Variants in SLTM observed in about 807,000 individuals in gnomAD.
SLTM encodes the protein SAFB-like transcription modulator.
SLTM carries 43 observed loss-of-function variants against 134.6 expected under a neutral mutation model. The observed-to-expected ratio is 0.32, with a 90% CI of 0.25 to 0.41. The LOEUF (loss-of-function observed/expected upper bound fraction) is 0.41, where lower values mean the gene tolerates loss of function less well. SLTM is among the 10% of genes least tolerant of loss of function. The probability of loss-of-function intolerance (pLI) is 1.00; values close to 1 mark genes in which losing one functional copy is unlikely to be tolerated. For synonymous variants in SLTM, 424 were observed against 432.3 expected (o/e 0.98, Z 0.24); for missense variants, 1,055 against 1,288.8 (o/e 0.82, Z 2.78).
At chr15:58,888,986 ACAAT>A (rs141645303) in intron 16 of SLTM, among the ~76,000 whole-genome samples, 11,480 of 152,226 alleles carry the variant, frequency 0.075, 482 homozygotes, top group African/African-American at 0.11. Flanking sequence ...ATTTCTCTAC[ACAAT>A]CAACTCAGTT....
rs1416707705 is a variant in SLTM at position 58,879,944 on chromosome 15, A to G, written c.*55T>C. ...GGTCCTCTTCATAAGTAGTCAAGTAAAGTTTACAGGAGATTTCAATAAATT... is the reference window on the plus strand; with the variant it reads ...GGTCCTCTTCATAAGTAGTCAAGTAGAGTTTACAGGAGATTTCAATAAATT... On this transcript the variant is annotated 3_prime_UTR_variant, in exon 21 of 21. Transcript: ENST00000380516. 13 of 1,583,800 alleles carry G rather than the reference A, an allele frequency of 8.2e-6. No individual in the cohort carries two copies. The highest frequency in any genetic ancestry group is 4.5e-5 in the East Asian group (2 of 44,334).
intron 5 of SLTM, among the ~76,000 whole-genome samples, chr15:58,907,866 T>C (rs1348072463): frequency 1.3e-5 from 2 of 152,080 alleles, no homozygotes; most frequent in Non-Finnish European, 2.9e-5. Context: ...GTATTGTAAT[T>C]AACTAATAGA....
At chr15:58,894,717 T>TG (rs1220551956) in intron 9 of SLTM, 135 bp from the exon 10 acceptor site, 13 of 895,498 alleles carry the variant, frequency 1.5e-5, no homozygotes, top group Non-Finnish European at 1.8e-5. Context: ...TTTTTTTTTT[T>TG]TTTTTGAGAT....
intron 5 of SLTM, 68 bp from the exon 6 acceptor site, chr15:58,901,355 A>T (rs889976104): frequency 7.5e-7 from 1 of 1,326,264 alleles, no homozygotes; most frequent in Admixed American, 2.1e-5. Context: ...AATAGTACAA[A>T]ATCAGCCAAG....
chr15:58,881,525 A>G (rs1160087844), intron 20 of SLTM, among the ~76,000 whole-genome samples: 3 of 37,334 alleles, frequency 8.0e-5, no homozygotes, highest in Admixed American at 4.5e-4. Flanking sequence ...TTCGTCTTGG[A>G]AAAAAAAAAA....
chr15:58,895,587 C>T (rs2035020770), intron 9 of SLTM, among the ~76,000 whole-genome samples: 1 of 152,164 alleles, frequency 6.6e-6, no homozygotes, highest in South Asian at 2.1e-4. Flanking sequence ...CAACTTTTAC[C>T]TCAACCCTAG....
chr15:58,893,393 G>T, intron 12 of SLTM, 29 bp from the exon 13 acceptor site: 1 of 1,495,050 alleles, frequency 6.7e-7, no homozygotes, highest in Non-Finnish European at 9.1e-7. Context: ...ATAAAACAAT[G>T]TCTAAAATTT....
intron 12 of SLTM, 33 bp from the exon 13 acceptor site, chr15:58,893,397 A>G (rs1004624805): frequency 2.7e-6 from 4 of 1,463,814 alleles, no homozygotes; most frequent in East Asian, 4.6e-5. Context: ...AACAATGTCT[A>G]AAATTTTTCA....
rs768271642 is a variant in SLTM at position 58,933,529 on chromosome 15, C to T, written c.37G>A (p.Ala13Thr). Residue 13 changes from alanine (A) to threonine (T), a missense_variant, in exon 1 of 21, where the codon GCC (alanine) becomes ACC (threonine). Transcript: ENST00000380516. ...TTTTTACCTTCCGCCTGACCCGAGG[C>T]GGCCGAGGCTGCCACCGCACCGGTA... ...AATGAVAASA[A>T]SGQAEGKKIT... The T allele has an allele frequency of 1.9e-6, 3 of 1,595,866 alleles. No individual in the cohort carries two copies. The highest frequency in any genetic ancestry group is 2.7e-5 in the African/African-American group (2 of 72,982).
chr15:58,895,243 C>A (rs2141003411), intron 9 of SLTM, among the ~76,000 whole-genome samples: 1 of 152,196 alleles, frequency 6.6e-6, no homozygotes, highest in East Asian at 1.9e-4. Flanking sequence ...GAGAAAGTTT[C>A]TAGTATTTTA....
chr15:58,887,228 T>C lies in SLTM; in HGVS notation c.2688A>G (p.Thr896=), dbSNP rs1237150070. The C allele has an allele frequency of 3.7e-6, 6 of 1,613,562 alleles. No homozygotes were observed. In the East Asian group the frequency reaches 8.9e-5, roughly 24 times the overall value. ...EGSMSTDKRE[T]RVERPERSGR... Reference sequence around the variant, plus strand: ...AGCATTACATAGTACACAGCTACCTTGTTTCCCGTTTGTCAGTGGACATGC... The same window carrying C: ...AGCATTACATAGTACACAGCTACCTCGTTTCCCGTTTGTCAGTGGACATGC... The change falls in exon 18 of 21, where the codon ACA becomes ACG. Residue 896 remains threonine, a splice_region_variant and synonymous_variant. Coordinates refer to ENST00000380516, the MANE Select transcript of SLTM (RefSeq NM_024755.4).
rs905742209 is a variant in SLTM, at chr15:58,933,668, G to T, written c.-103C>A. 3.0e-6 allele frequency: 4 copies of T among 1,339,454 alleles called. No individual in the cohort carries two copies. In the African/African-American group the frequency reaches 6.2e-5, roughly 21 times the overall value. The allele number at this position is 1,339,454 out of a possible 1,614,324, so 83.0% of individuals were successfully genotyped here. A position where few individuals can be genotyped will look rare whatever the true frequency, so the allele number is the denominator to read the frequency against. ...TCGGCGGCCGCCGGCGCCGCGCAGCGCTGCGCACAATGAGCCGCTGGCCCC... is the reference window on the plus strand; with the variant it reads ...TCGGCGGCCGCCGGCGCCGCGCAGCTCTGCGCACAATGAGCCGCTGGCCCC... On this transcript the variant is annotated 5_prime_UTR_variant, in exon 1 of 21. Transcript: ENST00000380516.
chr15:58,919,470 T>C (rs2036873930), intron 2 of SLTM, among the ~76,000 whole-genome samples: 1 of 151,940 alleles, frequency 6.6e-6, no homozygotes, highest in Non-Finnish European at 1.5e-5. Context: ...TGTCGCGGTG[T>C]ATGCCGGTAG....
chr15:58,880,815 C>T (rs116146686), intron 20 of SLTM, among the ~76,000 whole-genome samples: 1,759 of 152,204 alleles, frequency 0.012, 30 homozygotes, highest in African/African-American at 0.041. Context: ...ATCTGCCAGC[C>T]TTGGCCTCCC....
chr15:58,880,584 CCTCA>C (rs1249363032), intron 20 of SLTM, among the ~76,000 whole-genome samples: 2 of 152,162 alleles, frequency 1.3e-5, no homozygotes, highest in Admixed American at 1.3e-4. Context: ...TTAGACAGGG[CCTCA>C]CTCACTTCAC....
intron 19 of SLTM, among the ~76,000 whole-genome samples, chr15:58,885,817 C>A (rs572053100): frequency 2.9e-4 from 42 of 142,978 alleles, no homozygotes; most frequent in African/African-American, 1.1e-3. Flanking sequence ...ACAAAAAAAA[C>A]AACAACACAC....
chr15:58,905,856 C>T (rs2035834256), intron 5 of SLTM, among the ~76,000 whole-genome samples: 1 of 151,954 alleles, frequency 6.6e-6, no homozygotes, highest in African/African-American at 2.4e-5. Context: ...AGATATTTAT[C>T]TTAATAATTC....
chr15:58,886,963 C>CG lies in SLTM; in HGVS notation c.2835+11dup. ...GTGTGCAGGCTCGCGGCAAGCCTCC[C>CG]GCAGCACTTACCTGTGATCCACCTC... On this transcript the variant is annotated intron_variant, in intron 19 of 20. Coordinates refer to ENST00000380516, the MANE Select transcript of SLTM (RefSeq NM_024755.4). The CG allele has an allele frequency of 6.2e-7, 1 of 1,611,956 alleles. No homozygotes were observed. The highest frequency in any genetic ancestry group is 8.5e-7 in the Non-Finnish European group (1 of 1,179,908).
At chr15:58,897,029 G>A in intron 9 of SLTM, 86 bp downstream of exon 9, 1 of 779,630 alleles carries the variant, frequency 1.3e-6, no homozygotes, top group Non-Finnish European at 2.2e-6. Flanking sequence ...TAAATTAGAA[G>A]ATATTCATGT....
Sources: allele counts gnomAD v4.1 joint callset (sites outside exome capture counted in the v4.1 genomes callset), GRCh38; gene constraint gnomAD v4.1.1; transcripts MANE v1.5; gene names NCBI Gene and HGNC (gene_info 2026-07-23, HGNC 2026-07-21).